Variants in MARCO observed in about 807,000 individuals in gnomAD.
MARCO encodes macrophage receptor MARCO.
MARCO carries 72 observed loss-of-function variants against 70.0 expected under a neutral mutation model. That is an observed-to-expected ratio of 1.03 (90% CI 0.85 to 1.25). The LOEUF is 1.25. MARCO is among the 50% of genes most tolerant of loss of function. MARCO has a pLI of 0.00. For synonymous variants in MARCO, 273 were observed against 243.1 expected, an observed-to-expected ratio of 1.12 and a Z score of -1.14; for missense variants, 696 against 659.3, an observed-to-expected ratio of 1.06 and a Z score of -0.61.
At chr2:118,954,048 C>T (rs180857123) in intron 1 of MARCO, among the ~76,000 whole-genome samples, 1 of 152,182 alleles carries the variant, frequency 6.6e-6, no homozygotes, top group Non-Finnish European at 1.5e-5. Context: ...ACAATTTGAA[C>T]AGGGTGAGAA....
At chr2:118,980,697 G>A (rs1039897814) in intron 8 of MARCO, among the ~76,000 whole-genome samples, 2 of 152,140 alleles carry the variant, frequency 1.3e-5, no homozygotes, top group Non-Finnish European at 2.9e-5. Context: ...CGGACACCCA[G>A]CTGATGGTGG....
chr2:118,970,691 G>T (rs1168927025), intron 3 of MARCO, among the ~76,000 whole-genome samples: 2 of 152,188 alleles, frequency 1.3e-5, no homozygotes, highest in Admixed American at 6.5e-5. Context: ...GGGAAAGGTG[G>T]TGACTTGGGT....
chr2:118,960,106 A>G (rs1332204107), intron 1 of MARCO, among the ~76,000 whole-genome samples: 3 of 140,908 alleles, frequency 2.1e-5, no homozygotes, highest in African/African-American at 8.7e-5. Context: ...TAACTTATGG[A>G]AAAATAAAAT....
chr2:118,954,029 A>T (rs1215106796), intron 1 of MARCO, among the ~76,000 whole-genome samples: 1 of 152,176 alleles, frequency 6.6e-6, no homozygotes, highest in African/African-American at 2.4e-5. Context: ...TCTCTAGCTG[A>T]ACTTTGTAAC....
At chr2:118,951,215 T>A (rs1679716603) in intron 1 of MARCO, among the ~76,000 whole-genome samples, 1 of 152,232 alleles carries the variant, frequency 6.6e-6, no homozygotes. Flanking sequence ...TCTATCATCC[T>A]GTCACCAAGG....
intron 12 of MARCO, among the ~76,000 whole-genome samples, chr2:118,989,063 A>G (rs1680569232): frequency 6.6e-6 from 1 of 152,242 alleles, no homozygotes; most frequent in African/African-American, 2.4e-5. Flanking sequence ...AAGTGGACTC[A>G]AGTCCGGGCT....
At chr2:118,946,833 CACT>C (rs1198286914) in intron 1 of MARCO, among the ~76,000 whole-genome samples, 1 of 152,178 alleles carries the variant, frequency 6.6e-6, no homozygotes, top group Non-Finnish European at 1.5e-5. Context: ...TTGACATTAT[CACT>C]ATTTTTAAAT....
At chr2:118,971,404 T>G (rs2104579947) in intron 3 of MARCO, 95 bp from the exon 4 acceptor site, 1 of 1,200,876 alleles carries the variant, frequency 8.3e-7, no homozygotes, top group South Asian at 1.2e-5. Flanking sequence ...ACAGGAGGGC[T>G]TACCCTCCCA....
intron 1 of MARCO, among the ~76,000 whole-genome samples, chr2:118,963,551 G>A (rs889918966): frequency 6.6e-6 from 1 of 152,020 alleles, no homozygotes; most frequent in African/African-American, 2.4e-5. Context: ...CCTTGAAAAG[G>A]ATGTACATTC....
intron 1 of MARCO, among the ~76,000 whole-genome samples, chr2:118,950,354 A>G (rs1402395169): frequency 6.6e-6 from 1 of 152,198 alleles, no homozygotes; most frequent in Non-Finnish European, 1.5e-5. Context: ...TATCCAGTTC[A>G]CAGAAAAACT....
At chr2:118,966,900 A>G (rs1035321228) in intron 1 of MARCO, among the ~76,000 whole-genome samples, 2 of 152,196 alleles carry the variant, frequency 1.3e-5, no homozygotes, top group African/African-American at 4.8e-5. Flanking sequence ...TGTCTTCATC[A>G]TGACGGTTGC....
intron 10 of MARCO, 37 bp downstream of exon 10, chr2:118,981,693 C>T (rs56216274): frequency 0.4 from 631,570 of 1,598,690 alleles, 131,561 homozygotes; most frequent in Non-Finnish European, 0.44. Context: ...ATCCCAGCTA[C>T]GACTGTCCCT....
At chr2:118,970,056 G>A (rs1244541448) in intron 2 of MARCO, 58 bp from the exon 3 acceptor site, 3 of 1,407,432 alleles carry the variant, frequency 2.1e-6, no homozygotes, top group Non-Finnish European at 3.0e-6. Flanking sequence ...ACACAAGAAT[G>A]TCAGGGATAT....
At chr2:118,964,539 G>A (rs1680007166) in intron 1 of MARCO, among the ~76,000 whole-genome samples, 1 of 152,090 alleles carries the variant, frequency 6.6e-6, no homozygotes, top group Non-Finnish European at 1.5e-5. Context: ...AAAATAAGCT[G>A]TACCACTTAC....
chr2:118,970,161 A>G lies in MARCO; in HGVS notation c.247A>G (p.Asn83Asp). The change falls in exon 3 of 17, where the codon AAT becomes GAT. Residue 83 changes from asparagine (N) to aspartate (D), a missense_variant. Around this residue, in one of 3 missense-constraint regions of MARCO, gnomAD observed 605 missense variants for 537.6 expected, o/e 1.13. Coordinates refer to ENST00000327097, the MANE Select transcript of MARCO (RefSeq NM_006770.4). ...RLRVLEMYFL[N>D]DTLAAEDSPS... ...CCGGGTCCTGGAGATGTATTTCCTC[A>G]ATGACACTCTGGCGGCTGAGGACAG... is the stretch of plus-strand genomic sequence containing the variant. 3 of 1,614,068 alleles carry G rather than the reference A, an allele frequency of 1.9e-6. No homozygotes were observed. Among genetic ancestry groups the G allele is most frequent in the South Asian group, 1.1e-5 (1 of 91,072 alleles).
At chr2:118,964,129 G>A (rs1012568807) in intron 1 of MARCO, among the ~76,000 whole-genome samples, 1 of 152,136 alleles carries the variant, frequency 6.6e-6, no homozygotes, top group African/African-American at 2.4e-5. Context: ...TGAGTCAAGT[G>A]TAGAAATCTT....
intron 12 of MARCO, among the ~76,000 whole-genome samples, chr2:118,983,844 C>A (rs958344456): frequency 5.9e-5 from 9 of 152,074 alleles, no homozygotes; most frequent in African/African-American, 2.2e-4. Flanking sequence ...CTCAACTAAC[C>A]AAGAGTATTG....
In MARCO at chr2:118,977,800, C is replaced by T. The variant is rs372884734; in HGVS notation, c.659-28C>T. The T allele has an allele frequency of 2.6e-6, 4 of 1,551,174 alleles. No homozygotes were observed. In the African/African-American group the frequency reaches 4.1e-5, roughly 16 times the overall value. On this transcript the variant is annotated intron_variant, in intron 7 of 16. Coordinates refer to ENST00000327097, the MANE Select transcript of MARCO (RefSeq NM_006770.4). ...CCTGTCCCCAAAAGGATAGTGGGAG[C>T]CCATCTCACCAGCCATTCTCTTTGC... is the stretch of plus-strand genomic sequence containing the variant.
At chr2:118,954,216 G>A (rs1017640221) in intron 1 of MARCO, among the ~76,000 whole-genome samples, 2 of 152,152 alleles carry the variant, frequency 1.3e-5, no homozygotes, top group African/African-American at 4.8e-5. Flanking sequence ...ACACACTTGG[G>A]GCTGTTGCTG....
Sources: allele counts gnomAD v4.1 joint callset (sites outside exome capture counted in the v4.1 genomes callset), GRCh38; gene constraint gnomAD v4.1.1; regional missense constraint gnomAD v4.1.1; transcripts MANE v1.5; gene names NCBI Gene and HGNC (gene_info 2026-07-23, HGNC 2026-07-21).